DMD: variants seen among roughly 807,000 people sequenced by gnomAD.
DMD encodes mutant dystrophin.
DMD carries 63 observed loss-of-function variants against 330.1 expected under a neutral mutation model. The ratio of observed to expected loss-of-function variants is 0.19; its 90% CI spans 0.16 to 0.24. The LOEUF (loss-of-function observed/expected upper bound fraction) is 0.24. Ranked by LOEUF, DMD falls within the 10% of genes least tolerant of loss-of-function variation. DMD has a pLI of 1.00. For missense variants in DMD, 3,344 were observed against 2,684.1 expected, an observed-to-expected ratio of 1.25 and a Z score of -5.43; for synonymous variants, 1,223 against 959.8, an observed-to-expected ratio of 1.27 and a Z score of -5.07.
At chrX:32,010,190 G>A (rs1396531790) in intron 44 of DMD, among the ~76,000 whole-genome samples, 1 of 111,425 alleles carries the variant, frequency 9.0e-6, no homozygotes, top group Non-Finnish European at 1.9e-5. Context: ...AATGTTGTGC[G>A]CATTCAGTAA....
intron 7 of DMD, among the ~76,000 whole-genome samples, chrX:32,778,907 C>T (rs1218315436): frequency 3.6e-5 from 4 of 111,117 alleles, no homozygotes; most frequent in East Asian, 2.8e-4. Context: ...CTAGGGATTT[C>T]GACATGAGTA....
At chrX:32,723,693 G>C (rs925041834) in intron 7 of DMD, among the ~76,000 whole-genome samples, 2 of 111,085 alleles carry the variant, frequency 1.8e-5, no homozygotes, top group East Asian at 2.8e-4. Context: ...TATTATGGAA[G>C]ATAATGGATA....
intron 43 of DMD, among the ~76,000 whole-genome samples, chrX:32,272,182 G>C (rs1425589676): frequency 9.0e-6 from 1 of 111,659 alleles, no homozygotes; most frequent in East Asian, 2.8e-4. Flanking sequence ...AAGATAAATA[G>C]GTAAACAGAG....
Position 33,008,404 on chromosome X carries a change from T to C in DMD, c.93+11735A>G, listed in dbSNP as rs1428828851. 7.2e-5 allele frequency among the ~76,000 whole-genome samples: 8 copies of C among 110,711 alleles called. 1 individual carries two copies. The highest frequency in any genetic ancestry group is 2.6e-4 in the African/African-American group (8 of 30,523). On this transcript the variant is annotated intron_variant, in intron 2 of 78. Coordinates refer to ENST00000357033, the MANE Select transcript of DMD (RefSeq NM_004006.3). The stretch of plus-strand genomic sequence containing the variant: ...TTTGAAATATAATTCTAGGAATCCA[T>C]AGGAATCTTGGTAAGGTTAAAAATG...
chrX:31,616,914 TG>T (rs892509056), intron 55 of DMD, among the ~76,000 whole-genome samples: 11 of 111,319 alleles, frequency 9.9e-5, no homozygotes, highest in African/African-American at 2.9e-4. Context: ...GATTTAGAAA[TG>T]ACTATATGAT....
chrX:32,674,912 G>C (rs5928067), intron 9 of DMD, among the ~76,000 whole-genome samples: 14,698 of 109,309 alleles, frequency 0.13, 1,113 homozygotes, highest in African/African-American at 0.3. Context: ...TGTATCTTGA[G>C]TACATTTGAA....
chrX:32,996,075 G>A (rs895161359), intron 2 of DMD, among the ~76,000 whole-genome samples: 7 of 111,801 alleles, frequency 6.3e-5, no homozygotes, highest in Non-Finnish European at 1.1e-4. Flanking sequence ...TACTTGATCC[G>A]CTGTAAAATT....
At chrX:33,205,126 AC>A (rs2051493451) in intron 1 of DMD, among the ~76,000 whole-genome samples, 2 of 112,545 alleles carry the variant, frequency 1.8e-5, no homozygotes, top group Non-Finnish European at 3.8e-5. Context: ...CTACAAGCCA[AC>A]ATTTCTTGCA....
chrX:31,281,790 C>T (rs901515461), intron 62 of DMD, among the ~76,000 whole-genome samples: 1 of 111,560 alleles, frequency 9.0e-6, no homozygotes. Context: ...AAGATCGTCC[C>T]TAAGATTATC....
chrX:32,045,169 C>T (rs929400058), intron 44 of DMD, among the ~76,000 whole-genome samples: 14 of 110,080 alleles, frequency 1.3e-4, no homozygotes, highest in African/African-American at 4.6e-4. Flanking sequence ...ATGCCTGTGC[C>T]ACACTTCCTG....
intron 19 of DMD, among the ~76,000 whole-genome samples, chrX:32,495,674 G>A (rs771202576): frequency 2.7e-5 from 3 of 111,633 alleles, no homozygotes; most frequent in East Asian, 2.8e-4. Flanking sequence ...GGTTCAAAGC[G>A]TTATCCAAGT....
intron 43 of DMD, among the ~76,000 whole-genome samples, chrX:32,260,961 T>C (rs1470245891): frequency 1.0e-5 from 1 of 98,493 alleles, no homozygotes; most frequent in Non-Finnish European, 2.3e-5. Context: ...TGCCAGACTA[T>C]GAATTCTGGA....
At chrX:31,305,252 T>C (rs2054941192) in intron 62 of DMD, among the ~76,000 whole-genome samples, 1 of 112,129 alleles carries the variant, frequency 8.9e-6, no homozygotes, top group Non-Finnish European at 1.9e-5. Flanking sequence ...CAACATATCA[T>C]TTATTTTTTG....
In DMD at chrX:33,246,224, C is replaced by T. The variant is rs190528142; in HGVS notation, c.7+93035G>A. Reference sequence around the variant, plus strand: ...ATATTAAGATACAGTACTAAACAGCCTGAGGCAGTGAGCATTTAGTCTAAT... The same window carrying T: ...ATATTAAGATACAGTACTAAACAGCTTGAGGCAGTGAGCATTTAGTCTAAT... On this transcript the variant is annotated intron_variant, in intron 1 of 17. Coordinates refer to the DMD transcript ENST00000288447. 4.5e-5 allele frequency among the ~76,000 whole-genome samples: 5 copies of T among 112,039 alleles called. No homozygotes were observed. The East Asian group carries it at 1.4e-3, about 32-fold the overall frequency.
rs187347314 is a variant in DMD at position 31,138,674 on chromosome X, A to G, written c.10922-4480T>C. On this transcript the variant is annotated intron_variant, in intron 76 of 78. Coordinates refer to ENST00000357033, the MANE Select transcript of DMD (RefSeq NM_004006.3). ...GAGAGAGAGAGAGAGAGAGAGAGAG[A>G]GAGAGAGAGAGAGAAGGGGGAAGTG... Among the ~76,000 whole-genome samples the G allele has an allele frequency of 6.8e-4, 16 of 23,474 alleles. 1 individual carries two copies. Among genetic ancestry groups the G allele is most frequent in the Admixed American group, 5.3e-3 (10 of 1,893 alleles). The allele number at this position is 23,474 out of a possible 115,157, so 20.4% of individuals were successfully genotyped here.
intron 62 of DMD, among the ~76,000 whole-genome samples, chrX:31,284,316 G>A (rs2087426756): frequency 9.0e-6 from 1 of 111,462 alleles, no homozygotes; most frequent in Non-Finnish European, 1.9e-5. Flanking sequence ...CGCAAATGAG[G>A]AAAGAATAGA....
At chrX:31,446,417 T>C (rs1602956713) in intron 59 of DMD, among the ~76,000 whole-genome samples, 2 of 111,568 alleles carry the variant, frequency 1.8e-5, no homozygotes, top group Non-Finnish European at 3.8e-5. Context: ...TTTTAAAGTA[T>C]GTGAATTATA....
At chrX:33,160,970 C>G (rs1368609582) in intron 1 of DMD, among the ~76,000 whole-genome samples, 1 of 112,009 alleles carries the variant, frequency 8.9e-6, no homozygotes, top group African/African-American at 3.2e-5. Flanking sequence ...TAAAAATTCT[C>G]TATTACTCTA....
intron 1 of DMD, among the ~76,000 whole-genome samples, chrX:33,232,630 C>T (rs775622417): frequency 9.0e-6 from 1 of 111,636 alleles, no homozygotes; most frequent in Admixed American, 9.5e-5. Context: ...GAGTCTCACA[C>T]CTGTAATCCT....
Sources: allele counts gnomAD v4.1 joint callset (sites outside exome capture counted in the v4.1 genomes callset), GRCh38; gene constraint gnomAD v4.1.1; transcripts MANE v1.5; gene names NCBI Gene and HGNC (gene_info 2026-07-23, HGNC 2026-07-21).